Variants in CLYBL observed in about 807,000 individuals in gnomAD.
CLYBL encodes the protein citramalyl-CoA lyase.
In CLYBL, 31 loss-of-function variants were observed where a neutral mutation model predicts 38.9. The ratio of observed to expected loss-of-function variants is 0.80; its 90% CI spans 0.60 to 1.08. The LOEUF is 1.08. Among genes scored for constraint, CLYBL ranks in the 50% least tolerant of loss-of-function variants. CLYBL has a pLI of 0.00. For synonymous variants in CLYBL, 171 were observed against 158.6 expected, an observed-to-expected ratio of 1.08 and a Z score of -0.59; for missense variants, 434 against 411.6, an observed-to-expected ratio of 1.05 and a Z score of -0.47.
intron 1 of CLYBL, among the ~76,000 whole-genome samples, chr13:99,754,174 C>A (rs1198673111): frequency 6.8e-6 from 1 of 147,930 alleles, no homozygotes; most frequent in East Asian, 2.0e-4. Context: ...CTTTGAGAGG[C>A]CAAAGTGGGC....
intron 2 of CLYBL, among the ~76,000 whole-genome samples, chr13:99,819,051 C>T (rs924354134): frequency 3.3e-5 from 5 of 151,952 alleles, no homozygotes; most frequent in Non-Finnish European, 7.4e-5. Context: ...ATTTAAATTA[C>T]ACAAATTTAA....
intron 1 of CLYBL, among the ~76,000 whole-genome samples, chr13:99,718,033 G>GTTTGCT (rs1393469666): frequency 2.0e-5 from 3 of 151,338 alleles, no homozygotes; most frequent in Non-Finnish European, 3.0e-5. Context: ...TTTTTTGTTT[G>GTTTGCT]TTTGCTTTTG....
At chr13:99,891,153 A>G (rs2052478736) in intron 7 of CLYBL, among the ~76,000 whole-genome samples, 165 bp from the exon 8 acceptor site, 1 of 152,146 alleles carries the variant, frequency 6.6e-6, no homozygotes, top group South Asian at 2.1e-4. Context: ...GGGGGAAAAA[A>G]GAAGTGTTTC....
At chr13:99,877,568 A>ATTTTTTT in intron 7 of CLYBL, 1 of 250,788 alleles carries the variant, frequency 4.0e-6, no homozygotes. Context: ...GAATTTTGTA[A>ATTTTTTT]TTCTTTTTTT....
chr13:99,645,668 T>C (rs1381211138), intron 1 of CLYBL, among the ~76,000 whole-genome samples: 2 of 152,130 alleles, frequency 1.3e-5, no homozygotes, highest in African/African-American at 4.8e-5. Context: ...AGTTTTTAAA[T>C]TAGATTATTA....
intron 1 of CLYBL, among the ~76,000 whole-genome samples, chr13:99,665,185 C>A (rs1045607454): frequency 6.6e-6 from 1 of 151,608 alleles, no homozygotes; most frequent in Non-Finnish European, 1.5e-5. Flanking sequence ...CAATTCACTG[C>A]CGACATTCAG....
intron 7 of CLYBL, chr13:99,877,594 T>TTTTTTTTTTTTTTTA (rs1555323908): frequency 3.1e-6 from 1 of 322,780 alleles, no homozygotes; most frequent in African/African-American, 2.9e-5. Flanking sequence ...TTTTTTTTTT[T>TTTTTTTTTTTTTTTA]AAGACAGTGT....
intron 2 of CLYBL, among the ~76,000 whole-genome samples, chr13:99,777,228 A>G (rs1382690102): frequency 6.6e-6 from 1 of 152,110 alleles, no homozygotes; most frequent in Non-Finnish European, 1.5e-5. Flanking sequence ...TCAGAAACCT[A>G]ACTCTCCTAA....
At chr13:99,903,720 C>T (rs2052665998) in intron 8 of CLYBL, among the ~76,000 whole-genome samples, 1 of 152,178 alleles carries the variant, frequency 6.6e-6, no homozygotes, top group South Asian at 2.1e-4. Context: ...CCGTATGAAG[C>T]AAGTTTAATT....
At chr13:99,742,934 G>GT (rs971353330) in intron 1 of CLYBL, among the ~76,000 whole-genome samples, 3 of 151,840 alleles carry the variant, frequency 2.0e-5, no homozygotes, top group African/African-American at 7.3e-5. Context: ...CAAGTTGCAG[G>GT]TTTTTTTCCA....
chr13:99,741,318 G>T (rs1376308361), intron 1 of CLYBL, among the ~76,000 whole-genome samples: 6 of 152,114 alleles, frequency 3.9e-5, no homozygotes, highest in African/African-American at 4.8e-5. Flanking sequence ...TAAGCCAGAA[G>T]GCACTCCTCT....
At chr13:99,878,737 G>A (rs2052114957) in intron 7 of CLYBL, among the ~76,000 whole-genome samples, 1 of 152,170 alleles carries the variant, frequency 6.6e-6, no homozygotes, top group Non-Finnish European at 1.5e-5. Flanking sequence ...TGATACACTT[G>A]TAAATCCAAT....
intron 2 of CLYBL, among the ~76,000 whole-genome samples, chr13:99,850,429 G>A (rs1277977905): frequency 6.6e-6 from 1 of 152,168 alleles, no homozygotes; most frequent in East Asian, 1.9e-4. Context: ...ATTAGCCATT[G>A]GAGAAATGCA....
At chr13:99,702,765 C>A (rs1005711075) in intron 1 of CLYBL, among the ~76,000 whole-genome samples, 13 of 152,134 alleles carry the variant, frequency 8.5e-5, no homozygotes, top group African/African-American at 2.9e-4. Context: ...GATTAAGATG[C>A]TCCTTGGAAA....
intron 1 of CLYBL, among the ~76,000 whole-genome samples, chr13:99,663,001 C>T (rs2047431436): frequency 6.6e-6 from 1 of 152,040 alleles, no homozygotes. Flanking sequence ...TTCTTCAAGC[C>T]AAGGTTAAAT....
chr13:99,642,635 C>T (rs1174292118), intron 1 of CLYBL, among the ~76,000 whole-genome samples: 2 of 152,056 alleles, frequency 1.3e-5, no homozygotes, highest in East Asian at 3.9e-4. Flanking sequence ...CCAGGCTGGT[C>T]TCAAACTCCT....
chr13:99,770,321 G>T (rs1362689128), intron 1 of CLYBL, among the ~76,000 whole-genome samples: 10 of 148,130 alleles, frequency 6.8e-5, no homozygotes, highest in Non-Finnish European at 1.3e-4. Flanking sequence ...CTCTTTTTTT[G>T]TTTGTTTGTT....
chr13:99,752,260 C>A (rs990327749), intron 1 of CLYBL, among the ~76,000 whole-genome samples: 1 of 152,148 alleles, frequency 6.6e-6, no homozygotes, highest in Non-Finnish European at 1.5e-5. Context: ...AAACTTGTGG[C>A]CCTTTCTCCT....
intron 2 of CLYBL, among the ~76,000 whole-genome samples, chr13:99,804,433 A>G (rs2050192531): frequency 6.6e-6 from 1 of 152,100 alleles, no homozygotes; most frequent in Non-Finnish European, 1.5e-5. Flanking sequence ...GTTGGCCACT[A>G]TAAGCACCAC....
Sources: gnomAD v4.1 joint callset for allele counts (sites outside exome capture counted in the v4.1 genomes callset) on GRCh38, gnomAD v4.1.1 for gene constraint, MANE v1.5 for transcripts, NCBI Gene and HGNC (gene_info 2026-07-23, HGNC 2026-07-21) for gene names.